R3HDM2: variants seen among roughly 807,000 people sequenced by gnomAD.
The protein encoded by R3HDM2 is R3H domain containing 2, also known as R3H domain-containing protein 2.
A neutral mutation model predicts 124.5 loss-of-function variants in R3HDM2; 38 were observed. The ratio of observed to expected loss-of-function variants is 0.31; its 90% CI spans 0.24 to 0.40. R3HDM2 has a LOEUF of 0.40. R3HDM2 is among the 10% of genes least tolerant of loss of function. The probability of loss-of-function intolerance (pLI) is 1.00; values close to 1 mark genes in which losing one functional copy is unlikely to be tolerated. For missense variants in R3HDM2, 869 were observed against 1,236.9 expected, an observed-to-expected ratio of 0.70 and a Z score of 4.46; for synonymous variants, 391 against 448.0, an observed-to-expected ratio of 0.87 and a Z score of 1.61.
At chr12:57,272,402 C>A (rs2043772748) in intron 14 of R3HDM2, 1 of 1,440,270 alleles carries the variant, frequency 6.9e-7, no homozygotes, top group African/African-American at 1.4e-5. Flanking sequence ...GACATACCTA[C>A]AGATACAGGC....
intron 2 of R3HDM2, among the ~76,000 whole-genome samples, chr12:57,311,472 C>T (rs1204475780): frequency 6.6e-6 from 1 of 152,046 alleles, no homozygotes; most frequent in South Asian, 2.1e-4. Context: ...GTGATCCGCC[C>T]GCCTCAGCCT....
chr12:57,429,160 G>A (rs993153653), intron 1 of R3HDM2, among the ~76,000 whole-genome samples: 2 of 152,146 alleles, frequency 1.3e-5, no homozygotes, highest in African/African-American at 4.8e-5. Context: ...TCTGAGGCCA[G>A]AGGATCACTT....
At chr12:57,303,510 G>A (rs1014241729) in intron 3 of R3HDM2, among the ~76,000 whole-genome samples, 3 of 151,642 alleles carry the variant, frequency 2.0e-5, no homozygotes, top group African/African-American at 4.8e-5. Flanking sequence ...TTGGGAGGCC[G>A]AGGCAGGCGG....
chr12:57,350,091 T>A (rs143297551), intron 2 of R3HDM2, among the ~76,000 whole-genome samples: 12 of 152,116 alleles, frequency 7.9e-5, no homozygotes, highest in Non-Finnish European at 1.6e-4. Flanking sequence ...ATGCCTACAG[T>A]CTCAGCTACT....
At chr12:57,348,995 T>C (rs1300166357) in intron 2 of R3HDM2, among the ~76,000 whole-genome samples, 2 of 152,086 alleles carry the variant, frequency 1.3e-5, no homozygotes, top group Non-Finnish European at 2.9e-5. Flanking sequence ...TTAATGCAAG[T>C]CAATATGTTT....
chr12:57,407,549 G>A (rs2068637409), intron 1 of R3HDM2, among the ~76,000 whole-genome samples: 1 of 151,434 alleles, frequency 6.6e-6, no homozygotes, highest in Admixed American at 6.6e-5. Flanking sequence ...GGAATTACAG[G>A]CGTCTGCCAC....
At chr12:57,428,128 A>T (rs570344906) in intron 1 of R3HDM2, among the ~76,000 whole-genome samples, 2 of 151,796 alleles carry the variant, frequency 1.3e-5, no homozygotes, top group African/African-American at 4.8e-5. Context: ...TCAAAAAAAA[A>T]AAAGAGTGAA....
intron 6 of R3HDM2, among the ~76,000 whole-genome samples, chr12:57,298,753 G>A (rs1389993973): frequency 6.6e-6 from 1 of 151,132 alleles, no homozygotes; most frequent in Admixed American, 6.6e-5. Context: ...CCTGAGGTTA[G>A]AAGTTCAAGA....
intron 1 of R3HDM2, among the ~76,000 whole-genome samples, chr12:57,430,182 C>T (rs1869397660): frequency 6.6e-6 from 1 of 152,104 alleles, no homozygotes. Flanking sequence ...AAAATGTTAG[C>T]TCTACGGGAA....
rs1351427807 is a variant in R3HDM2, at chr12:57,256,447, C to A, written c.2514G>T (p.Leu838Phe). 3 of 1,598,692 alleles carry A rather than the reference C, an allele frequency of 1.9e-6. No homozygotes were observed. Among genetic ancestry groups the A allele is most frequent in the Non-Finnish European group, 2.6e-6 (3 of 1,172,444 alleles). ...LQYNLSICPP[L>F]LHGQSTYTVH... is the part of the protein sequence containing the mutation. ...CCGTGTAAGTTGACTGGCCATGGAG[C>A]AAGGGAGGGCAGATGGACAGATTGT... Residue 838 changes from leucine (L) to phenylalanine (F), a missense_variant, in exon 22 of 24, where the codon TTG (leucine) becomes TTT (phenylalanine). Leu to Phe is a conservative substitution (Grantham distance 22). Coordinates refer to ENST00000402412, the MANE Select transcript of R3HDM2 (RefSeq NM_001394031.1).
At chr12:57,313,138 A>AGTAT (rs1378050228) in intron 2 of R3HDM2, among the ~76,000 whole-genome samples, 1 of 152,178 alleles carries the variant, frequency 6.6e-6, no homozygotes, top group East Asian at 1.9e-4. Context: ...TTATGTATGT[A>AGTAT]GTATGTATGT....
At chr12:57,358,042 G>C (rs1396163429) in intron 2 of R3HDM2, among the ~76,000 whole-genome samples, 2 of 150,132 alleles carry the variant, frequency 1.3e-5, no homozygotes, top group Non-Finnish European at 3.0e-5. Flanking sequence ...GTAGTGGCAC[G>C]ATCTCGGATC....
intron 1 of R3HDM2, among the ~76,000 whole-genome samples, chr12:57,419,709 T>A (rs1477308447): frequency 6.6e-6 from 1 of 152,060 alleles, no homozygotes; most frequent in Non-Finnish European, 1.5e-5. Flanking sequence ...CCCAAGGCAC[T>A]AGGATTACAG....
At chr12:57,372,653 G>A (rs1422774250) in intron 2 of R3HDM2, among the ~76,000 whole-genome samples, 1 of 152,130 alleles carries the variant, frequency 6.6e-6, no homozygotes, top group South Asian at 2.1e-4. Flanking sequence ...AATGACATAG[G>A]AAGATATGTT....
intron 1 of R3HDM2, among the ~76,000 whole-genome samples, chr12:57,417,188 T>G (rs1313417206): frequency 6.7e-6 from 1 of 150,164 alleles, no homozygotes; most frequent in Admixed American, 6.6e-5. Flanking sequence ...TGGATCACCT[T>G]AGGTCAAGAG....
chr12:57,306,440 C>T (rs1459520040), intron 3 of R3HDM2, among the ~76,000 whole-genome samples: 2 of 151,558 alleles, frequency 1.3e-5, no homozygotes, highest in Admixed American at 6.6e-5. Flanking sequence ...GATGGAGTCT[C>T]GCTCTGTTGC....
chr12:57,337,635 C>T (rs758975267), intron 2 of R3HDM2, among the ~76,000 whole-genome samples: 26 of 152,028 alleles, frequency 1.7e-4, no homozygotes, highest in Non-Finnish European at 2.8e-4. Context: ...CAAAAAAACC[C>T]GAAACATTGC....
chr12:57,390,305 T>G (rs187708422), intron 2 of R3HDM2, among the ~76,000 whole-genome samples: 70 of 152,284 alleles, frequency 4.6e-4, no homozygotes, highest in Non-Finnish European at 8.4e-4. Context: ...CCTGTGATTA[T>G]CCAGGCTTAA....
At chr12:57,368,641 T>C (rs1032439629) in intron 2 of R3HDM2, among the ~76,000 whole-genome samples, 6 of 152,116 alleles carry the variant, frequency 3.9e-5, no homozygotes, top group African/African-American at 1.4e-4. Context: ...CAATACTCCA[T>C]GTGTATTACC....
Sources: gnomAD v4.1 joint callset for allele counts (sites outside exome capture counted in the v4.1 genomes callset) on GRCh38, gnomAD v4.1.1 for gene constraint, MANE v1.5 for transcripts, NCBI Gene and HGNC (gene_info 2026-07-23, HGNC 2026-07-21) for gene names.